GDAP1: variants seen among roughly 807,000 people sequenced by gnomAD.
The protein encoded by GDAP1 is ganglioside induced differentiation associated protein 1, also known as ganglioside-induced differentiation-associated protein 1.
In GDAP1, 34 loss-of-function variants were observed where a neutral mutation model predicts 40.1. The observed-to-expected ratio is 0.85, with a 90% confidence interval of 0.64 to 1.13. GDAP1 has a LOEUF of 1.13. Among genes scored for constraint, GDAP1 ranks in the 50% most tolerant of loss-of-function variants. The probability of loss-of-function intolerance (pLI) is 0.00; values close to 1 mark genes in which losing one functional copy is unlikely to be tolerated. For missense variants in GDAP1, 374 were observed against 433.7 expected (o/e 0.86, Z 1.22); for synonymous variants, 170 against 157.4 (o/e 1.08, Z -0.60).
At chr8:74,417,757 CAAAAAAA>C (rs71269993) in intron 2 of GDAP1, among the ~76,000 whole-genome samples, 4 of 75,904 alleles carry the variant, frequency 5.3e-5, no homozygotes, top group East Asian at 3.4e-4. Context: ...AACTCCATCT[CAAAAAAA>C]AAAAAAAAAA....
chr8:74,470,171 A>C (rs1457722739), intron 2 of GDAP1, among the ~76,000 whole-genome samples: 2 of 151,898 alleles, frequency 1.3e-5, no homozygotes, highest in East Asian at 3.9e-4. Flanking sequence ...CCAAGTTTTC[A>C]AATTTATTTG....
chr8:74,440,435 A>T (rs1199942550), intron 2 of GDAP1, among the ~76,000 whole-genome samples: 3 of 152,130 alleles, frequency 2.0e-5, no homozygotes, highest in Non-Finnish European at 4.4e-5. Flanking sequence ...CTGAAGGTAT[A>T]TCTCTTCCAC....
chr8:74,378,506 C>T (rs1227787398), intron 2 of GDAP1, among the ~76,000 whole-genome samples: 1 of 152,134 alleles, frequency 6.6e-6, no homozygotes, highest in Non-Finnish European at 1.5e-5. Flanking sequence ...AGTCTAAGGG[C>T]AGTACTGGGA....
rs1262635016 is a variant in GDAP1, at chr8:74,413,588, C to T, written c.165+62267C>T. On this transcript the variant is annotated intron_variant, in intron 2 of 2. Coordinates refer to the GDAP1 transcript ENST00000523640. ...TCTGTTTTCTCATGCCCCATCTCTC[C>T]AGCATTCCTGTAGAGATTTTGGCAG... is the stretch of plus-strand genomic sequence containing the variant. Among the ~76,000 whole-genome samples, 4 of 149,872 alleles carry T rather than the reference C, an allele frequency of 2.7e-5. 1 individual carries two copies. Among genetic ancestry groups the T allele is most frequent in the African/African-American group, 1.0e-4 (4 of 39,216 alleles).
Position 74,350,441 on chromosome 8 carries a change from C to A in GDAP1, c.-21C>A. On this transcript the variant is annotated 5_prime_UTR_variant, in exon 1 of 6. Coordinates refer to ENST00000220822, the MANE Select transcript of GDAP1 (RefSeq NM_018972.4). The stretch of plus-strand genomic sequence containing the variant: ...GTCCAGGGCGGACAGGCTGGGCGCA[C>A]CCGTGCTCGCGCACCCCAAGATGGC... 2 of 1,471,746 alleles carry A rather than the reference C, an allele frequency of 1.4e-6. No homozygotes were observed. Among genetic ancestry groups the A allele is most frequent in the South Asian group, 1.1e-5 (1 of 88,308 alleles). The allele number at this position is 1,471,746 out of a possible 1,614,324, so 91.2% of individuals were successfully genotyped here.
rs202095462 is a variant in GDAP1, at chr8:74,418,850, CAATTAA to C, written c.165+67532_165+67537del. On this transcript the variant is annotated intron_variant, in intron 2 of 2. Coordinates refer to the GDAP1 transcript ENST00000523640. ...AATGCAACAATTATAACAAACTATT[CAATTAA>C]AAAAATAGACAAAAGACTTTAACAG... 6.3e-3 allele frequency among the ~76,000 whole-genome samples: 769 copies of C among 122,086 alleles called. 33 individuals carry two copies. In the East Asian group the frequency reaches 0.13, roughly 21 times the overall value. The allele number at this position is 122,086 out of a possible 152,430, so 80.1% of individuals were successfully genotyped here.
intron 2 of GDAP1, among the ~76,000 whole-genome samples, chr8:74,443,572 T>A (rs1290384165): frequency 1.3e-5 from 2 of 152,090 alleles, no homozygotes; most frequent in Non-Finnish European, 2.9e-5. Flanking sequence ...AAGCTGAGGT[T>A]GGAGGATTGC....
rs113377784 is a variant in GDAP1 at position 74,364,811 on chromosome 8, A to G, written c.*444A>G. 1,115 of 455,732 alleles carry G rather than the reference A, an allele frequency of 2.4e-3. 12 individuals are homozygous for G. The highest frequency in any genetic ancestry group is 0.019 in the African/African-American group (972 of 50,218). The allele number at this position is 455,732 out of a possible 1,614,324, so 28.2% of individuals were successfully genotyped here. On this transcript the variant is annotated 3_prime_UTR_variant, in exon 6 of 6. Transcript: ENST00000220822. ...GGCTGGAGAGAACCCCAGGCTTTATATGTATACTTTGACCTCAGTGTTAAT... is the reference window on the plus strand; with the variant it reads ...GGCTGGAGAGAACCCCAGGCTTTATGTGTATACTTTGACCTCAGTGTTAAT...
At position 74,365,783 on chromosome 8, in the gene GDAP1, G is replaced by T. The variant is rs575631045; in HGVS notation, c.*1416G>T. The T allele has an allele frequency of 2.2e-6, 1 of 453,614 alleles. No homozygotes were observed. Among genetic ancestry groups the T allele is most frequent in the South Asian group, 1.6e-5 (1 of 64,242 alleles). 28.1% of individuals were successfully genotyped at this position (453,614 alleles called of 1,614,324 possible). A position where few individuals can be genotyped will look rare whatever the true frequency, so the allele number is the denominator to read the frequency against. Reference sequence around the variant, plus strand: ...AAACCTTGATGAACTATATGTTCCCGATTTACAAAAAAATTAATAAAACCT... The same window carrying T: ...AAACCTTGATGAACTATATGTTCCCTATTTACAAAAAAATTAATAAAACCT... On this transcript the variant is annotated 3_prime_UTR_variant, in exon 6 of 6. Transcript: ENST00000220822.
At chr8:74,382,186 T>C (rs1375222753) in intron 2 of GDAP1, among the ~76,000 whole-genome samples, 1 of 152,186 alleles carries the variant, frequency 6.6e-6, no homozygotes, top group Non-Finnish European at 1.5e-5. Flanking sequence ...CTTTAAGCTA[T>C]TCAAATTGGC....
intron 2 of GDAP1, among the ~76,000 whole-genome samples, chr8:74,375,749 A>C (rs1809842048): frequency 1.3e-5 from 2 of 152,186 alleles, no homozygotes; most frequent in Admixed American, 6.5e-5. Context: ...TACTGTCATC[A>C]CTTCTACTTG....
chr8:74,464,613 T>TA (rs1252359077), intron 2 of GDAP1, among the ~76,000 whole-genome samples: 1 of 152,228 alleles, frequency 6.6e-6, no homozygotes, highest in African/African-American at 2.4e-5. Context: ...TATAACAGCA[T>TA]ACTACATTTT....
intron 2 of GDAP1, among the ~76,000 whole-genome samples, chr8:74,415,889 T>G (rs1326105819): frequency 1.3e-5 from 2 of 149,488 alleles, no homozygotes; most frequent in Non-Finnish European, 2.9e-5. Flanking sequence ...AAGTAGGGAT[T>G]TCAACCCTAC....
In GDAP1 at chr8:74,361,980, T is replaced by C; in HGVS notation, c.579+2T>C. 1 of 1,526,174 alleles carries C rather than the reference T, an allele frequency of 6.6e-7. No individual in the cohort carries two copies. The highest frequency in any genetic ancestry group is 9.1e-7 in the Non-Finnish European group (1 of 1,102,038). The allele number at this position is 1,526,174 out of a possible 1,614,324, so 94.5% of individuals were successfully genotyped here. The stretch of plus-strand genomic sequence containing the variant: ...ATTGCAAAACAGAAACGACTTAAAG[T>C]AAGCCAATCAGCTGTCCTCAGTTGA... On this transcript the variant is annotated splice_donor_variant, in intron 4 of 5. Coordinates refer to ENST00000220822, the MANE Select transcript of GDAP1 (RefSeq NM_018972.4). LOFTEE classifies it high-confidence loss of function.
intron 2 of GDAP1, among the ~76,000 whole-genome samples, chr8:74,400,976 G>A (rs1724325913): frequency 6.7e-6 from 1 of 149,728 alleles, no homozygotes; most frequent in Non-Finnish European, 1.5e-5. Context: ...CTCTCTTGCT[G>A]CCCTTAACAT....
intron 2 of GDAP1, among the ~76,000 whole-genome samples, chr8:74,374,870 G>T (rs1329917533): frequency 2.0e-5 from 3 of 152,138 alleles, no homozygotes; most frequent in Admixed American, 6.5e-5. Context: ...ATTCTACAAA[G>T]AAGATTCAAG....
At chr8:74,488,134 G>A (rs1235230159) in intron 2 of GDAP1, among the ~76,000 whole-genome samples, 3 of 152,034 alleles carry the variant, frequency 2.0e-5, no homozygotes, top group Non-Finnish European at 4.4e-5. Flanking sequence ...AATATTAGAG[G>A]AACAAGCATT....
At chr8:74,431,573 C>T (rs1053392103) in intron 2 of GDAP1, among the ~76,000 whole-genome samples, 1 of 152,082 alleles carries the variant, frequency 6.6e-6, no homozygotes, top group African/African-American at 2.4e-5. Context: ...GCTCCGCCTC[C>T]CGGGTTCACG....
chr8:74,419,882 C>A (rs913714761), intron 2 of GDAP1, among the ~76,000 whole-genome samples: 2 of 152,106 alleles, frequency 1.3e-5, no homozygotes, highest in African/African-American at 4.8e-5. Context: ...ATGTGGATAT[C>A]CAGTTTCTCA....
Sources: gnomAD v4.1 joint callset for allele counts (sites outside exome capture counted in the v4.1 genomes callset) on GRCh38, gnomAD v4.1.1 for gene constraint, MANE v1.5 for transcripts, NCBI Gene and HGNC (gene_info 2026-07-23, HGNC 2026-07-21) for gene names.